Variants in SLC26A8 observed in about 807,000 individuals in gnomAD.
SLC26A8 encodes solute carrier family 26 member 8.
Under a neutral mutation model 105.0 loss-of-function variants are expected in SLC26A8, and 70 were observed. The ratio of observed to expected loss-of-function variants is 0.67; its 90% CI spans 0.55 to 0.81. The LOEUF is 0.81. SLC26A8 is among the 40% of genes least tolerant of loss of function. The pLI, the probability that SLC26A8 is intolerant of heterozygous loss-of-function variation, is 0.00. For synonymous variants in SLC26A8, 415 were observed against 438.3 expected, an observed-to-expected ratio of 0.95 and a Z score of 0.66; for missense variants, 998 against 1,181.8, an observed-to-expected ratio of 0.84 and a Z score of 2.28.
At chr6:36,006,769 C>T (rs1581691028) in intron 3 of SLC26A8, among the ~76,000 whole-genome samples, 1 of 152,216 alleles carries the variant, frequency 6.6e-6, no homozygotes, top group East Asian at 1.9e-4. Flanking sequence ...TGCAGGAATG[C>T]AACTAGCACA....
intron 7 of SLC26A8, chr6:35,989,438 G>A (rs200466797): frequency 2.0e-5 from 3 of 152,034 alleles, no homozygotes; most frequent in African/African-American, 7.2e-5. Context: ...GTATCTCCGG[G>A]TTTGTTCCTT....
At chr6:35,966,019 A>G (rs1187312358) in intron 11 of SLC26A8, among the ~76,000 whole-genome samples, 1 of 148,338 alleles carries the variant, frequency 6.7e-6, no homozygotes, top group Non-Finnish European at 1.5e-5. Flanking sequence ...AAAAAAAAAA[A>G]GATTTTCTTG....
chr6:35,988,640 AAAAAG>A (rs55827970), intron 7 of SLC26A8, among the ~76,000 whole-genome samples: 17,632 of 151,856 alleles, frequency 0.12, 1,041 homozygotes, highest in Middle Eastern at 0.14. Context: ...GCCTCAAAGA[AAAAAG>A]AAAAGAAAAG....
chr6:35,974,886 G>A lies in SLC26A8; in HGVS notation c.1287+489C>T, dbSNP rs144383022. Among the ~76,000 whole-genome samples the A allele has an allele frequency of 1.5e-3, 228 of 151,504 alleles. 4 individuals are homozygous for A. In the South Asian group the frequency reaches 0.025, roughly 16 times the overall value. On this transcript the variant is annotated intron_variant, in intron 10 of 19. Coordinates refer to ENST00000490799, the MANE Select transcript of SLC26A8 (RefSeq NM_052961.4). ...TGGGTAGCTGGAATTACATGTGTGC[G>A]CCACAACACCCAGCTAATTGTTTTT...
In SLC26A8 at chr6:36,019,505, A is replaced by G. The variant is rs758734648; in HGVS notation, c.188+15T>C. The G allele has an allele frequency of 6.2e-7, 1 of 1,609,280 alleles. No individual in the cohort carries two copies. The highest frequency in any genetic ancestry group is 1.1e-5 in the South Asian group (1 of 90,606). On this transcript the variant is annotated intron_variant, in intron 2 of 19. Transcript: ENST00000490799. The stretch of plus-strand genomic sequence containing the variant: ...TGCCCGGCTCGGCAGCAGGTGAAAG[A>G]TTGGACACACGCACCGGCACTGGAC...
Position 35,992,519 on chromosome 6 carries a change from G to A in SLC26A8, c.783C>T (p.Ser261=), listed in dbSNP as rs1264030911. 1.2e-6 allele frequency: 2 copies of A among 1,611,696 alleles called. No individual in the cohort carries two copies. The highest frequency in any genetic ancestry group is 2.2e-5 in the East Asian group (1 of 44,892). Residue 261 remains serine (S), a synonymous_variant, in exon 6 of 20, where the codon TCC becomes TCT. Transcript: ENST00000490799. ...IMISFHAGPI[S]FFYDIINYCV... ...AGTTGAAATTACTCACATAGAAGAA[G>A]GAGATGGGACCGGCATGGAAACTAA...
intron 3 of SLC26A8, among the ~76,000 whole-genome samples, chr6:36,011,995 C>T (rs1302246504): frequency 1.3e-5 from 2 of 152,126 alleles, no homozygotes; most frequent in East Asian, 3.8e-4. Context: ...GAAAAAATAA[C>T]AAAGAGTGGG....
Position 36,005,884 on chromosome 6 carries a change from C to T in SLC26A8, c.329-5776G>A, listed in dbSNP as rs1259142090. 2.6e-5 allele frequency among the ~76,000 whole-genome samples: 4 copies of T among 152,252 alleles called. No homozygotes were observed. In the South Asian group the frequency reaches 6.2e-4, roughly 24 times the overall value. ...TTTTGTATTTTCTTCTTTAATTCTA[C>T]ATTTATAAATTGGAATTCTACTGTA... On this transcript the variant is annotated intron_variant, in intron 3 of 19. Transcript: ENST00000490799.
chr6:35,984,316 C>CTTTT (rs1337564434), intron 7 of SLC26A8, among the ~76,000 whole-genome samples: 1 of 95,928 alleles, frequency 1.0e-5, no homozygotes, highest in African/African-American at 3.7e-5. Flanking sequence ...TCTTCTTCTT[C>CTTTT]TTATTTTTTT....
chr6:35,962,497 C>A, intron 12 of SLC26A8, 29 bp downstream of exon 12: 1 of 1,584,894 alleles, frequency 6.3e-7, no homozygotes, highest in Non-Finnish European at 8.7e-7. Context: ...TCTGCCCTCC[C>A]CTTCCTCAGC....
At position 36,012,281 on chromosome 6, in the gene SLC26A8, C is replaced by T. The variant is rs780805055; in HGVS notation, c.280G>A (p.Gly94Arg). 1 of 1,611,820 alleles carries T rather than the reference C, an allele frequency of 6.2e-7. No individual in the cohort carries two copies. The highest frequency in any genetic ancestry group is 1.7e-5 in the Admixed American group (1 of 59,178). The change falls in exon 3 of 20, where the codon GGA becomes AGA. Residue 94 changes from glycine to arginine, a missense_variant. Physicochemically the swap from Gly to Arg is moderately radical, Grantham distance 125. Transcript: ENST00000490799. ...CMYRLKDWLL[G>R]DLLAGISVGL... ...ACACTTATACCAGCAAGTAAGTCTC[C>T]CAGAAGCCAATCCTTTAATCGATAC...
chr6:35,985,692 C>CAAAAAAAA (rs58199602), intron 7 of SLC26A8, among the ~76,000 whole-genome samples: 2 of 46,950 alleles, frequency 4.3e-5, no homozygotes, highest in East Asian at 7.7e-4. Context: ...GACTCCGTCT[C>CAAAAAAAA]AAAAAAAAAA....
rs776775396 is a variant in SLC26A8 at position 35,997,761 on chromosome 6, T to A, written c.604A>T (p.Thr202Ser). 6.8e-6 allele frequency: 11 copies of A among 1,613,984 alleles called. No homozygotes were observed. The highest frequency in any genetic ancestry group is 6.7e-5 in the East Asian group (3 of 44,882). The stretch of plus-strand genomic sequence containing the variant: ...ACCTGAATAATCCCAGTCAGAAAAG[T>A]TGTGGTTGCCACCACACTCAAGGAT... The part of the protein sequence containing the change: ...NKSLSVVATT[T>S]FLTGIIQLIM... The change falls in exon 5 of 20, where the codon ACT becomes TCT. Residue 202 changes from threonine (T) to serine (S), a missense_variant. By Grantham distance (58) the Thr-to-Ser change is moderately conservative (BLOSUM62 1). Transcript: ENST00000490799.
intron 19 of SLC26A8, among the ~76,000 whole-genome samples, chr6:35,946,142 G>C (rs1437047576): frequency 6.6e-6 from 1 of 152,064 alleles, no homozygotes; most frequent in African/African-American, 2.4e-5. Context: ...ATGATTCTTT[G>C]GTTATAACCC....
At chr6:36,003,935 A>G (rs1761605459) in intron 3 of SLC26A8, among the ~76,000 whole-genome samples, 2 of 152,078 alleles carry the variant, frequency 1.3e-5, no homozygotes, top group Admixed American at 6.6e-5. Flanking sequence ...TGCTGGGGTT[A>G]CAGGCGTGAG....
At chr6:35,985,370 G>A (rs997475036) in intron 7 of SLC26A8, among the ~76,000 whole-genome samples, 6 of 152,194 alleles carry the variant, frequency 3.9e-5, no homozygotes, top group African/African-American at 1.4e-4. Context: ...ACTGCTTGAA[G>A]GAACATCACT....
At chr6:35,963,257 C>T (rs937083385) in intron 11 of SLC26A8, among the ~76,000 whole-genome samples, 1 of 152,194 alleles carries the variant, frequency 6.6e-6, no homozygotes. Flanking sequence ...GGAGGCAAAA[C>T]TCCTTATCTA....
At chr6:35,982,555 C>G (rs1024887567) in intron 7 of SLC26A8, among the ~76,000 whole-genome samples, 1 of 152,104 alleles carries the variant, frequency 6.6e-6, no homozygotes, top group Non-Finnish European at 1.5e-5. Context: ...TCAGTGAGAT[C>G]GATCCATTTA....
chr6:35,963,008 A>G (rs1772376244), intron 11 of SLC26A8, among the ~76,000 whole-genome samples: 1 of 152,140 alleles, frequency 6.6e-6, no homozygotes, highest in Admixed American at 6.5e-5. Flanking sequence ...TAATTTGCCA[A>G]AAACACAAGG....
Sources: allele counts gnomAD v4.1 joint callset (sites outside exome capture counted in the v4.1 genomes callset), GRCh38; gene constraint gnomAD v4.1.1; transcripts MANE v1.5; gene names NCBI Gene and HGNC (gene_info 2026-07-23, HGNC 2026-07-21).